Variants in PPFIA2 observed in about 807,000 individuals in gnomAD.
PPFIA2 encodes liprin-alpha-2.
PPFIA2 carries 46 observed loss-of-function variants against 175.5 expected under a neutral mutation model. The ratio of observed to expected loss-of-function variants is 0.26; its 90% CI spans 0.21 to 0.34. The LOEUF (loss-of-function observed/expected upper bound fraction) is 0.34, where lower values mean the gene tolerates loss of function less well. Among genes scored for constraint, PPFIA2 ranks in the 10% least tolerant of loss-of-function variants. PPFIA2 has a pLI of 1.00. For missense variants in PPFIA2, 1,179 were observed against 1,506.1 expected (o/e 0.78, Z 3.60); for synonymous variants, 568 against 511.4 (o/e 1.11, Z -1.49).
At chr12:81,601,620 C>T (rs983217033) in intron 4 of PPFIA2, among the ~76,000 whole-genome samples, 1 of 151,486 alleles carries the variant, frequency 6.6e-6, no homozygotes, top group African/African-American at 2.4e-5. Context: ...TGTAGGGAAG[C>T]CCCATTCAGT....
intron 4 of PPFIA2, among the ~76,000 whole-genome samples, chr12:81,532,769 G>T (rs1221108758): frequency 6.6e-6 from 1 of 151,554 alleles, no homozygotes; most frequent in Non-Finnish European, 1.5e-5. Flanking sequence ...TTTAAAGCAA[G>T]AGCTATGACT....
intron 4 of PPFIA2, among the ~76,000 whole-genome samples, chr12:81,501,293 T>A (rs1176140085): frequency 6.6e-6 from 1 of 152,140 alleles, no homozygotes; most frequent in Non-Finnish European, 1.5e-5. Context: ...AGATAGTTAT[T>A]CCCTCACCTC....
intron 8 of PPFIA2, among the ~76,000 whole-genome samples, chr12:81,393,960 G>T (rs2040612279): frequency 6.6e-6 from 1 of 152,022 alleles, no homozygotes; most frequent in South Asian, 2.1e-4. Flanking sequence ...GCATAAGATG[G>T]TTTAATTTGG....
intron 7 of PPFIA2, among the ~76,000 whole-genome samples, chr12:81,437,291 G>A (rs766358800): frequency 6.6e-5 from 10 of 152,044 alleles, no homozygotes; most frequent in Non-Finnish European, 1.0e-4. Flanking sequence ...GTGCAGTGGC[G>A]CGATCTCGGC....
chr12:81,619,443 GC>G (rs2061780522), intron 4 of PPFIA2, among the ~76,000 whole-genome samples: 1 of 152,108 alleles, frequency 6.6e-6, no homozygotes, highest in Non-Finnish European at 1.5e-5. Context: ...TCAAAAATGT[GC>G]CCATTCAAGA....
intron 22 of PPFIA2, among the ~76,000 whole-genome samples, chr12:81,302,408 T>C (rs1196560948): frequency 6.6e-6 from 1 of 152,138 alleles, no homozygotes. Context: ...ACACAATTGT[T>C]TGGGAAATTA....
At chr12:81,549,961 A>C (rs1188104611) in intron 4 of PPFIA2, among the ~76,000 whole-genome samples, 1 of 151,948 alleles carries the variant, frequency 6.6e-6, no homozygotes, top group Non-Finnish European at 1.5e-5. Context: ...AAAAACAAAA[A>C]CAAAAAACTA....
intron 4 of PPFIA2, among the ~76,000 whole-genome samples, chr12:81,576,727 C>T (rs2073624037): frequency 6.6e-6 from 1 of 151,764 alleles, no homozygotes; most frequent in Non-Finnish European, 1.5e-5. Flanking sequence ...TATTGCTGAA[C>T]TATACCAAAG....
chr12:81,329,027 C>G (rs985123337), intron 21 of PPFIA2, among the ~76,000 whole-genome samples: 2 of 152,014 alleles, frequency 1.3e-5, no homozygotes, highest in African/African-American at 4.8e-5. Flanking sequence ...AGGTCTTCAA[C>G]TGCTGGCCTC....
intron 3 of PPFIA2, among the ~76,000 whole-genome samples, chr12:81,733,340 C>T (rs949770454): frequency 3.3e-5 from 5 of 151,530 alleles, no homozygotes; most frequent in African/African-American, 1.2e-4. Flanking sequence ...TTTAAAAGTA[C>T]AATGGATGTA....
intron 29 of PPFIA2, 45 bp from the exon 30 acceptor site, chr12:81,267,065 A>G (rs2136262597): frequency 7.2e-7 from 1 of 1,381,788 alleles, no homozygotes; most frequent in East Asian, 2.3e-5. Flanking sequence ...ATCACATTTT[A>G]TTTTAAAAAT....
intron 4 of PPFIA2, among the ~76,000 whole-genome samples, chr12:81,535,022 A>T (rs963823397): frequency 6.6e-6 from 1 of 151,850 alleles, no homozygotes; most frequent in Admixed American, 6.6e-5. Flanking sequence ...TATGGCCACC[A>T]TGCAACAAGA....
chr12:81,357,308 A>C lies in PPFIA2; in HGVS notation c.1773+774T>G, dbSNP rs569491959. 2.5e-4 allele frequency among the ~76,000 whole-genome samples: 38 copies of C among 152,336 alleles called. No homozygotes were observed. The South Asian group carries it at 5.6e-3, about 22-fold the overall frequency. On this transcript the variant is annotated intron_variant, in intron 16 of 32. Transcript: ENST00000549396. ...CCTACTATGATGGATTAATTAATACATGGCATACTGGTGCCAGTTCAAACC... is the reference window on the plus strand; with the variant it reads ...CCTACTATGATGGATTAATTAATACCTGGCATACTGGTGCCAGTTCAAACC...
rs1338497303 is a variant in PPFIA2 at position 81,261,957 on chromosome 12, A to T, written c.*25T>A. On this transcript the variant is annotated 3_prime_UTR_variant, in exon 32 of 33. Transcript: ENST00000549396. ...AAAGGGAAACTACTCACAGCAGGTC[A>T]GTGCTGCCTCCTTTGAGTGGCTGGT... 1 of 1,589,130 alleles carries T rather than the reference A, an allele frequency of 6.3e-7. No individual in the cohort carries two copies. Among genetic ancestry groups the T allele is most frequent in the South Asian group, 1.1e-5 (1 of 87,620 alleles).
At chr12:81,322,408 C>T (rs1318853851) in intron 22 of PPFIA2, among the ~76,000 whole-genome samples, 4 of 151,800 alleles carry the variant, frequency 2.6e-5, no homozygotes, top group Non-Finnish European at 4.4e-5. Context: ...AGATGAAGTC[C>T]GCATTGAATA....
rs564616328 is a variant in PPFIA2 at position 81,480,106 on chromosome 12, C to T, written c.304-22240G>A. ...TATTTCTTGGAGGCTTTGTTTGTTGCTTTTCTTTCTTTTTTTCTCTAATCT... is the reference window on the plus strand; with the variant it reads ...TATTTCTTGGAGGCTTTGTTTGTTGTTTTTCTTTCTTTTTTTCTCTAATCT... On this transcript the variant is annotated intron_variant, in intron 4 of 32. Transcript: ENST00000549396. 1.1e-4 allele frequency among the ~76,000 whole-genome samples: 16 copies of T among 152,166 alleles called. No individual in the cohort carries two copies. The South Asian group carries it at 3.3e-3, about 32-fold the overall frequency.
chr12:81,589,287 T>C (rs2058395497), intron 4 of PPFIA2, among the ~76,000 whole-genome samples: 1 of 152,112 alleles, frequency 6.6e-6, no homozygotes, highest in Non-Finnish European at 1.5e-5. Flanking sequence ...AGGCTACTCA[T>C]TGATTTCTAT....
chr12:81,364,942 T>C (rs1488685873), intron 14 of PPFIA2, among the ~76,000 whole-genome samples: 1 of 151,638 alleles, frequency 6.6e-6, no homozygotes, highest in African/African-American at 2.4e-5. Context: ...TGGTGTTTGA[T>C]GTGTGGGAGT....
chr12:81,512,304 T>C (rs2061892955), intron 4 of PPFIA2: 1 of 1,288,606 alleles, frequency 7.8e-7, no homozygotes, highest in African/African-American at 1.5e-5. Flanking sequence ...GGTCGGCCTC[T>C]GGCTCTCCCT....
Sources: gnomAD v4.1 joint callset for allele counts (sites outside exome capture counted in the v4.1 genomes callset) on GRCh38, gnomAD v4.1.1 for gene constraint, MANE v1.5 for transcripts, NCBI Gene and HGNC (gene_info 2026-07-23, HGNC 2026-07-21) for gene names.